The following MARCHF4 variants were observed in gnomAD, a reference collection of about 807,000 sequenced individuals.
MARCHF4 encodes membrane associated ring-CH-type finger 4, also known as E3 ubiquitin-protein ligase MARCHF4.
MARCHF4 carries 14 observed loss-of-function variants against 43.9 expected under a neutral mutation model. The observed-to-expected ratio is 0.32, with a 90% CI of 0.21 to 0.50. The LOEUF (loss-of-function observed/expected upper bound fraction) is 0.50, where lower values mean the gene tolerates loss of function less well. Ranked by LOEUF, MARCHF4 falls within the 20% of genes least tolerant of loss-of-function variation. MARCHF4 has a pLI of 0.98. For synonymous variants in MARCHF4, 226 were observed against 213.3 expected, an observed-to-expected ratio of 1.06 and a Z score of -0.52; for missense variants, 468 against 536.7, an observed-to-expected ratio of 0.87 and a Z score of 1.27.
chr2:216,353,081 C>T (rs1188057018), intron 1 of MARCHF4, among the ~76,000 whole-genome samples: 1 of 152,190 alleles, frequency 6.6e-6, no homozygotes, highest in African/African-American at 2.4e-5. Flanking sequence ...GTCTGTGAAG[C>T]TAGAACTTCA....
Position 216,370,188 on chromosome 2 carries a change from A to T in MARCHF4, c.73T>A (p.Cys25Ser). Reference protein sequence around the residue: ...CCSGWYCYGLCAPAPQMLRHQ... With the variant: ...CCSGWYCYGLSAPAPQMLRHQ... ...CGCAACATCTGGGGGGCTGGGGCAC[A>T]CAATCCATAGCAGTACCAGCCGGAG... Residue 25 changes from cysteine (C) to serine (S), a missense_variant, in exon 1 of 4, where the codon TGT becomes AGT. By Grantham distance (112) the Cys-to-Ser change is moderately radical. Around this residue, in one of 3 missense-constraint regions of MARCHF4, gnomAD observed 190 missense variants for 158.5 expected, o/e 1.20. Transcript: ENST00000273067. The T allele has an allele frequency of 6.2e-7, 1 of 1,612,984 alleles. No individual in the cohort carries two copies. The highest frequency in any genetic ancestry group is 8.5e-7 in the Non-Finnish European group (1 of 1,179,752).
At position 216,277,784 on chromosome 2, in the gene MARCHF4, A is replaced by G. The variant is rs754514338; in HGVS notation, c.753T>C (p.Ser251=). 7 of 1,614,096 alleles carry G rather than the reference A, an allele frequency of 4.3e-6. No homozygotes were observed. The highest frequency in any genetic ancestry group is 5.9e-6 in the Non-Finnish European group (7 of 1,180,040). The change falls in exon 3 of 4, where the codon AGT becomes AGC. Residue 251 remains serine (S), a synonymous_variant. Transcript: ENST00000273067. ...AILGSLFLIA[S]ISWLIWSTFS... is the part of the protein sequence containing the mutation. The stretch of plus-strand genomic sequence containing the variant: ...AAGTTGACCAGATGAGCCAAGAAAT[A>G]CTGGCGATGAGGAAGAGGGAGCCCA...
intron 1 of MARCHF4, among the ~76,000 whole-genome samples, chr2:216,291,694 T>C (rs1359154941): frequency 6.6e-6 from 1 of 152,228 alleles, no homozygotes; most frequent in Non-Finnish European, 1.5e-5. Flanking sequence ...CTGGCTTCCT[T>C]TCTTTCTCCT....
chr2:216,333,510 A>C (rs1692112420), intron 1 of MARCHF4, among the ~76,000 whole-genome samples: 1 of 152,014 alleles, frequency 6.6e-6, no homozygotes, highest in Non-Finnish European at 1.5e-5. Context: ...AGCTGTGGAG[A>C]CTCTTCATTG....
At chr2:216,313,501 A>T (rs1179956792) in intron 1 of MARCHF4, among the ~76,000 whole-genome samples, 2 of 152,200 alleles carry the variant, frequency 1.3e-5, no homozygotes, top group Non-Finnish European at 1.5e-5. Context: ...TGGCTTCCCT[A>T]GGCCTGATTG....
intron 3 of MARCHF4, among the ~76,000 whole-genome samples, chr2:216,271,620 C>T (rs1690939997): frequency 6.6e-6 from 1 of 152,200 alleles, no homozygotes; most frequent in South Asian, 2.1e-4. Context: ...CCCGCTCTGA[C>T]TCAAGTTCCT....
At position 216,259,483 on chromosome 2, in the gene MARCHF4, G is replaced by T; in HGVS notation, c.1062C>A (p.Thr354=). The change falls in exon 4 of 4, where the codon ACC becomes ACA. Residue 354 remains threonine, a synonymous_variant. Transcript: ENST00000273067. ...GGGCAGGGCCCTGCTCAGGGGCAGG[G>T]GTGCCTGCGGTCTCCTCTTCCGAGG... The part of the protein sequence containing the change: ...IPSSEEETAG[T]PAPEQGPAQA... 1 of 1,614,214 alleles carries T rather than the reference G, an allele frequency of 6.2e-7. No homozygotes were observed. The highest frequency in any genetic ancestry group is 8.5e-7 in the Non-Finnish European group (1 of 1,180,036).
chr2:216,290,892 G>T (rs1198552682), intron 1 of MARCHF4, among the ~76,000 whole-genome samples: 1 of 152,160 alleles, frequency 6.6e-6, no homozygotes. Flanking sequence ...AGGAAAGATT[G>T]GGAGCTCAGT....
Position 216,259,663 on chromosome 2 carries a change from T to C in MARCHF4, c.882A>G (p.Glu294=). The C allele has an allele frequency of 4.3e-6, 7 of 1,613,776 alleles. No homozygotes were observed. Among genetic ancestry groups the C allele is most frequent in the Non-Finnish European group, 5.9e-6 (7 of 1,179,724 alleles). The change falls in exon 4 of 4, where the codon GAA becomes GAG. Residue 294 remains glutamate (E), a synonymous_variant. Coordinates refer to ENST00000273067, the MANE Select transcript of MARCHF4 (RefSeq NM_020814.3). ...TAAAGATGCGGTACACCGAGGGTCCTTCATGGATGATGAGACCTGAGGCAG... is the reference window on the plus strand; with the variant it reads ...TAAAGATGCGGTACACCGAGGGTCCCTCATGGATGATGAGACCTGAGGCAG... ...DVVCIGLIIH[E]GPSVYRIFKR... is the part of the protein sequence containing the mutation.
intron 1 of MARCHF4, among the ~76,000 whole-genome samples, chr2:216,369,031 C>A (rs1279889321): frequency 6.6e-6 from 1 of 152,166 alleles, no homozygotes; most frequent in Non-Finnish European, 1.5e-5. Context: ...CTTTTTAGGT[C>A]TGAAAAGGGA....
At chr2:216,368,204 G>GTACACCATCA (rs2105988241) in intron 1 of MARCHF4, among the ~76,000 whole-genome samples, 2 of 152,322 alleles carry the variant, frequency 1.3e-5, no homozygotes, top group South Asian at 4.1e-4. Flanking sequence ...TTCTTTTGGA[G>GTACACCATCA]AGTATGAAGT....
At chr2:216,345,516 G>A (rs778024277) in intron 1 of MARCHF4, among the ~76,000 whole-genome samples, 2 of 151,904 alleles carry the variant, frequency 1.3e-5, no homozygotes, top group Non-Finnish European at 2.9e-5. Context: ...CCCCTTCCTG[G>A]GATTTGCAAC....
At chr2:216,342,785 C>T (rs1286658741) in intron 1 of MARCHF4, among the ~76,000 whole-genome samples, 5 of 152,128 alleles carry the variant, frequency 3.3e-5, no homozygotes, top group Non-Finnish European at 7.4e-5. Context: ...CAAGTGTGGC[C>T]GCACGGTACA....
intron 1 of MARCHF4, among the ~76,000 whole-genome samples, chr2:216,322,077 T>C (rs1691905303): frequency 1.3e-5 from 2 of 152,122 alleles, no homozygotes; most frequent in East Asian, 1.9e-4. Context: ...TTGTGCACAA[T>C]GAGGTATACT....
At chr2:216,279,714 TCTA>T (rs964978100) in intron 2 of MARCHF4, among the ~76,000 whole-genome samples, 1 of 152,194 alleles carries the variant, frequency 6.6e-6, no homozygotes, top group Admixed American at 6.5e-5. Flanking sequence ...GACATCAGCG[TCTA>T]CATTTAATTA....
At chr2:216,264,244 T>G (rs570382907) in intron 3 of MARCHF4, among the ~76,000 whole-genome samples, 1 of 152,234 alleles carries the variant, frequency 6.6e-6, no homozygotes, top group East Asian at 1.9e-4. Context: ...TCACACCCCT[T>G]TGAGGATCTA....
intron 3 of MARCHF4, 119 bp from the exon 4 acceptor site, chr2:216,259,798 T>G (rs1022860738): frequency 1.0e-6 from 1 of 1,002,986 alleles, no homozygotes; most frequent in Non-Finnish European, 1.4e-6. Context: ...TGCTGAGCCA[T>G]GGGAGGACCA....
At chr2:216,332,800 T>C (rs1329811682) in intron 1 of MARCHF4, among the ~76,000 whole-genome samples, 1 of 152,168 alleles carries the variant, frequency 6.6e-6, no homozygotes. Flanking sequence ...CAGTGTGGTA[T>C]TGAATTAAAT....
At chr2:216,280,640 C>T (rs1691112472) in intron 2 of MARCHF4, among the ~76,000 whole-genome samples, 1 of 152,174 alleles carries the variant, frequency 6.6e-6, no homozygotes, top group Non-Finnish European at 1.5e-5. Flanking sequence ...CCAAACGTGC[C>T]TGTGCAGAAG....
Sources: gnomAD v4.1 joint callset for allele counts (sites outside exome capture counted in the v4.1 genomes callset) on GRCh38, gnomAD v4.1.1 for gene constraint, gnomAD v4.1.1 regional missense constraint, MANE v1.5 for transcripts, NCBI Gene and HGNC (gene_info 2026-07-23, HGNC 2026-07-21) for gene names.